Variants in MAMDC2 observed in about 807,000 individuals in gnomAD.
MAMDC2 encodes the protein MAM domain-containing protein 2.
In MAMDC2, 57 loss-of-function variants were observed where a neutral mutation model predicts 89.8. The observed-to-expected ratio is 0.63, with a 90% CI of 0.51 to 0.79. MAMDC2 has a LOEUF of 0.79. Ranked by LOEUF, MAMDC2 falls within the 30% of genes least tolerant of loss-of-function variation. MAMDC2 has a pLI of 0.00. For missense variants in MAMDC2, 800 were observed against 820.6 expected, an observed-to-expected ratio of 0.97 and a Z score of 0.31; for synonymous variants, 313 against 293.4, an observed-to-expected ratio of 1.07 and a Z score of -0.68.
At chr9:70,223,490 C>T (rs2033601240) in intron 12 of MAMDC2, among the ~76,000 whole-genome samples, 1 of 152,160 alleles carries the variant, frequency 6.6e-6, no homozygotes. Flanking sequence ...TTAATTGTAG[C>T]AGCTACCAAA....
chr9:70,157,173 A>G (rs1403527870), intron 9 of MAMDC2, among the ~76,000 whole-genome samples: 1 of 152,218 alleles, frequency 6.6e-6, no homozygotes, highest in Non-Finnish European at 1.5e-5. Context: ...CCAAACTTCT[A>G]TCTTGTGAAT....
At chr9:70,050,312 C>T (rs1454799877) in intron 2 of MAMDC2, among the ~76,000 whole-genome samples, 1 of 152,212 alleles carries the variant, frequency 6.6e-6, no homozygotes, top group Non-Finnish European at 1.5e-5. Flanking sequence ...TATTAGATCA[C>T]AAACATATCC....
intron 9 of MAMDC2, among the ~76,000 whole-genome samples, chr9:70,147,214 T>C (rs1420862441): frequency 2.7e-5 from 4 of 149,792 alleles, no homozygotes; most frequent in Non-Finnish European, 4.5e-5. Context: ...GCCAAGATCA[T>C]GCCACTGTGC....
At chr9:70,063,522 T>C (rs969899423) in intron 2 of MAMDC2, among the ~76,000 whole-genome samples, 3 of 152,120 alleles carry the variant, frequency 2.0e-5, no homozygotes, top group African/African-American at 7.2e-5. Flanking sequence ...ATTTAATAAG[T>C]AAATAAAAGA....
At chr9:70,140,418 G>C (rs2031173417) in intron 8 of MAMDC2, 130 bp downstream of exon 8, 1 of 930,302 alleles carries the variant, frequency 1.1e-6, no homozygotes, top group Non-Finnish European at 1.6e-6. Flanking sequence ...AAGACAATCA[G>C]TAGTCTTGTG....
intron 9 of MAMDC2, among the ~76,000 whole-genome samples, chr9:70,145,605 C>T (rs1168464298): frequency 6.7e-6 from 1 of 150,126 alleles, no homozygotes; most frequent in Admixed American, 6.7e-5. Flanking sequence ...CAAGCAAATA[C>T]CAGAGTCCCA....
At chr9:70,216,604 A>C (rs1300905797) in intron 11 of MAMDC2, among the ~76,000 whole-genome samples, 1 of 152,204 alleles carries the variant, frequency 6.6e-6, no homozygotes, top group Non-Finnish European at 1.5e-5. Flanking sequence ...ACATACATCC[A>C]TTCCAAACAC....
Position 70,118,632 on chromosome 9 carries a change from C to A in MAMDC2, c.643+5500C>A, listed in dbSNP as rs115729066. The stretch of plus-strand genomic sequence containing the variant: ...AGTAAAGATTAAATGGTTCAGATGT[C>A]TGCCCGCAACAGCAGATTTTGCTCT... On this transcript the variant is annotated intron_variant, in intron 5 of 13. Coordinates refer to ENST00000377182, the MANE Select transcript of MAMDC2 (RefSeq NM_153267.5). Among the ~76,000 whole-genome samples the A allele has an allele frequency of 8.1e-3, 1,228 of 152,292 alleles. 22 individuals carry two copies. Among genetic ancestry groups the A allele is most frequent in the African/African-American group, 0.028 (1,184 of 41,564 alleles).
chr9:70,067,255 C>A (rs2118062520), intron 2 of MAMDC2, among the ~76,000 whole-genome samples: 1 of 152,306 alleles, frequency 6.6e-6, no homozygotes, highest in South Asian at 2.1e-4. Context: ...CCAGAGAGGG[C>A]TGACCAGGGG....
At chr9:70,059,206 C>T (rs553836661) in intron 2 of MAMDC2, among the ~76,000 whole-genome samples, 7 of 152,246 alleles carry the variant, frequency 4.6e-5, no homozygotes, top group South Asian at 4.2e-4. Context: ...ATCCTTCAAC[C>T]GTGGGATAAA....
chr9:70,170,408 G>C, intron 10 of MAMDC2, 71 bp from the exon 11 acceptor site: 1 of 1,507,166 alleles, frequency 6.6e-7, no homozygotes, highest in Non-Finnish European at 8.9e-7. Context: ...CATACATGCA[G>C]AGTGGGCTGC....
chr9:70,214,684 C>T (rs1015052110), intron 11 of MAMDC2, among the ~76,000 whole-genome samples: 3 of 152,082 alleles, frequency 2.0e-5, no homozygotes, highest in Admixed American at 6.5e-5. Context: ...TTAATCCAAG[C>T]GAGAAATGAT....
chr9:70,061,623 C>A (rs755295279), intron 2 of MAMDC2, among the ~76,000 whole-genome samples: 3 of 151,798 alleles, frequency 2.0e-5, no homozygotes, highest in Non-Finnish European at 4.4e-5. Context: ...TAAGATGGTG[C>A]CAAAAATCAA....
intron 2 of MAMDC2, among the ~76,000 whole-genome samples, chr9:70,066,899 G>T (rs1827279129): frequency 6.6e-6 from 1 of 152,198 alleles, no homozygotes; most frequent in Non-Finnish European, 1.5e-5. Flanking sequence ...ATAAATTAAT[G>T]AATTAAGTTC....
At chr9:70,155,605 C>T (rs988279763) in intron 9 of MAMDC2, among the ~76,000 whole-genome samples, 1 of 152,172 alleles carries the variant, frequency 6.6e-6, no homozygotes. Context: ...GAACAATAAA[C>T]CTTCCTTTCA....
intron 2 of MAMDC2, among the ~76,000 whole-genome samples, chr9:70,104,770 C>G (rs1362747307): frequency 6.6e-6 from 1 of 152,028 alleles, no homozygotes; most frequent in Non-Finnish European, 1.5e-5. Flanking sequence ...TTTGTAGTTT[C>G]CAGATGCTAG....
chr9:70,152,465 G>A (rs57833200), intron 9 of MAMDC2, among the ~76,000 whole-genome samples: 38,504 of 152,020 alleles, frequency 0.25, 7,272 homozygotes, highest in African/African-American at 0.54. Flanking sequence ...GAATGCTCAG[G>A]CAGAAAATTA....
chr9:70,060,006 T>C (rs1563935692), intron 2 of MAMDC2, among the ~76,000 whole-genome samples: 1 of 152,206 alleles, frequency 6.6e-6, no homozygotes, highest in Non-Finnish European at 1.5e-5. Flanking sequence ...TGTTAGCTTC[T>C]CTCCTGAGCT....
At chr9:70,218,659 TTATTC>T (rs2033495900) in intron 12 of MAMDC2, 63 bp downstream of exon 12, 1 of 1,495,544 alleles carries the variant, frequency 6.7e-7, no homozygotes, top group African/African-American at 1.4e-5. Flanking sequence ...ATGTTCTTTC[TTATTC>T]TTGCTACCAA....
Sources: gnomAD v4.1 joint callset for allele counts (sites outside exome capture counted in the v4.1 genomes callset) on GRCh38, gnomAD v4.1.1 for gene constraint, MANE v1.5 for transcripts, NCBI Gene and HGNC (gene_info 2026-07-23, HGNC 2026-07-21) for gene names.